Variants in NTF3 observed in about 807,000 individuals in gnomAD.
The protein encoded by NTF3 is neurotrophin-3.
NTF3 carries 8 observed loss-of-function variants against 26.3 expected under a neutral mutation model. The observed-to-expected ratio is 0.30, with a 90% CI of 0.18 to 0.55. The LOEUF (loss-of-function observed/expected upper bound fraction) is 0.55, where lower values mean the gene tolerates loss of function less well. Ranked by LOEUF, NTF3 falls within the 20% of genes least tolerant of loss-of-function variation. The pLI is 0.93. For missense variants in NTF3, 276 were observed against 352.9 expected, an observed-to-expected ratio of 0.78 and a Z score of 1.75; for synonymous variants, 154 against 145.5, an observed-to-expected ratio of 1.06 and a Z score of -0.42.
intron 1 of NTF3, among the ~76,000 whole-genome samples, chr12:5,478,371 G>T (rs1187363654): frequency 6.6e-6 from 1 of 152,216 alleles, no homozygotes; most frequent in Admixed American, 6.5e-5. Flanking sequence ...TCACCAGGAG[G>T]AATTAAAATG....
At chr12:5,465,656 G>A (rs552463079) in intron 1 of NTF3, among the ~76,000 whole-genome samples, 5 of 152,192 alleles carry the variant, frequency 3.3e-5, no homozygotes, top group African/African-American at 9.7e-5. Context: ...CATGTGGCTC[G>A]CACTCAGACT....
intron 1 of NTF3, 193 bp downstream of exon 1, chr12:5,432,535 G>A (rs2121126576): frequency 6.2e-6 from 1 of 161,738 alleles, no homozygotes; most frequent in Admixed American, 6.8e-5. Context: ...TCAGGCCGAA[G>A]CGCAACCGCA....
intron 1 of NTF3, among the ~76,000 whole-genome samples, chr12:5,479,956 A>G (rs1306739370): frequency 6.6e-6 from 1 of 152,132 alleles, no homozygotes. Context: ...GGAGGCCTCT[A>G]TTTGATCCCT....
chr12:5,437,889 G>A (rs574881991), intron 1 of NTF3, among the ~76,000 whole-genome samples: 3 of 152,216 alleles, frequency 2.0e-5, no homozygotes, highest in Non-Finnish European at 2.9e-5. Context: ...GCGTGCGTGC[G>A]TGCTGGGGGA....
At position 5,446,330 on chromosome 12, in the gene NTF3, A is replaced by G. The variant is rs116736052; in HGVS notation, c.18+13988A>G. ...ATCTTGGAATGATCAGACTTCCTAC[A>G]CTGGTTCTCCCCAGTAATTTGCATA... On this transcript the variant is annotated intron_variant, in intron 1 of 1. Transcript: ENST00000423158. 5.2e-3 allele frequency among the ~76,000 whole-genome samples: 785 copies of G among 152,244 alleles called. 3 individuals carry two copies. Among genetic ancestry groups the G allele is most frequent in the African/African-American group, 0.017 (691 of 41,538 alleles).
intron 1 of NTF3, among the ~76,000 whole-genome samples, chr12:5,488,448 G>T (rs1940895510): frequency 6.6e-6 from 1 of 152,074 alleles, no homozygotes; most frequent in Non-Finnish European, 1.5e-5. Context: ...CCCAGCGGAG[G>T]CTCCACCAGG....
chr12:5,460,053 A>C (rs142757237), intron 1 of NTF3, among the ~76,000 whole-genome samples: 1,648 of 152,210 alleles, frequency 0.011, 12 homozygotes, highest in Middle Eastern at 0.037. Flanking sequence ...GAACAGTTTT[A>C]AGTTCACAGA....
At chr12:5,475,656 A>G (rs1347718019) in intron 1 of NTF3, among the ~76,000 whole-genome samples, 2 of 151,922 alleles carry the variant, frequency 1.3e-5, no homozygotes, top group African/African-American at 4.8e-5. Context: ...GCAACATGGC[A>G]AAACCCCATC....
chr12:5,489,376 G>T (rs1358686915), intron 1 of NTF3, among the ~76,000 whole-genome samples: 3 of 152,204 alleles, frequency 2.0e-5, no homozygotes, highest in Admixed American at 2.0e-4. Context: ...ATGTTTGAGA[G>T]CAAGGACAGA....
At chr12:5,474,388 G>T (rs1026964420) in intron 1 of NTF3, among the ~76,000 whole-genome samples, 1 of 152,218 alleles carries the variant, frequency 6.6e-6, no homozygotes, top group Non-Finnish European at 1.5e-5. Flanking sequence ...TAGTTAGCCA[G>T]GGAAGGAAAG....
At chr12:5,449,074 G>T (rs1449696722) in intron 1 of NTF3, among the ~76,000 whole-genome samples, 1 of 152,172 alleles carries the variant, frequency 6.6e-6, no homozygotes. Flanking sequence ...AATGACTAGG[G>T]CCATGGAATG....
rs1940813697 is a variant in NTF3, at chr12:5,482,103, TAGAG to T, written c.19-12089_19-12086del. Among the ~76,000 whole-genome samples the T allele has an allele frequency of 2.6e-5, 4 of 151,770 alleles. No homozygotes were observed. The South Asian group carries it at 8.3e-4, about 32-fold the overall frequency. On this transcript the variant is annotated intron_variant, in intron 1 of 1. Transcript: ENST00000423158. ...CAGTCATACACAGGCACTACATACATAGAGACATACAATGCACACTCACACACAG... is the reference window on the plus strand; with the variant it reads ...CAGTCATACACAGGCACTACATACATACATACAATGCACACTCACACACAG...
At chr12:5,473,942 C>T (rs1305948945) in intron 1 of NTF3, among the ~76,000 whole-genome samples, 2 of 152,254 alleles carry the variant, frequency 1.3e-5, no homozygotes, top group Non-Finnish European at 2.9e-5. Context: ...CTCACATGCG[C>T]ATCTTCAGTC....
rs1940126660 is a variant in NTF3, at chr12:5,433,450, A to AG, written c.18+1112dup. 6.7e-6 allele frequency: 1 copy of AG among 149,660 alleles called. No individual in the cohort carries two copies. 9.3% of individuals were successfully genotyped at this position (149,660 alleles called of 1,614,324 possible). A position where few individuals can be genotyped will look rare whatever the true frequency, so the allele number is the denominator to read the frequency against. On this transcript the variant is annotated intron_variant, in intron 1 of 1. Transcript: ENST00000423158. This position sits in a 1 kb window ranked among gnomAD's most constrained non-coding sequence, Gnocchi z 4.6. ...TTGGGAGTTGAAGGTTAGGGACAGG[A>AG]GGGGCGAGGGCCGAGGGCATGGGAT...
chr12:5,449,997 G>A (rs921986711), intron 1 of NTF3, among the ~76,000 whole-genome samples: 1 of 152,102 alleles, frequency 6.6e-6, no homozygotes, highest in African/African-American at 2.4e-5. Context: ...CCTTCCCCTG[G>A]AGAATCACTG....
chr12:5,474,458 A>T (rs567456315), intron 1 of NTF3, among the ~76,000 whole-genome samples: 1 of 152,156 alleles, frequency 6.6e-6, no homozygotes, highest in Non-Finnish European at 1.5e-5. Flanking sequence ...AGGTGAGAGT[A>T]TACATGGTGT....
At chr12:5,477,607 G>T (rs1288522488) in intron 1 of NTF3, among the ~76,000 whole-genome samples, 1 of 152,122 alleles carries the variant, frequency 6.6e-6, no homozygotes, top group Non-Finnish European at 1.5e-5. Flanking sequence ...GTGATTGCAG[G>T]GTTCTTAGCA....
intron 1 of NTF3, among the ~76,000 whole-genome samples, chr12:5,468,772 C>G (rs544983729): frequency 6.6e-5 from 10 of 152,252 alleles, no homozygotes; most frequent in African/African-American, 2.4e-4. Flanking sequence ...GATCTCCCCC[C>G]ACCAAGTGGG....
At chr12:5,459,339 G>C (rs1940495724) in intron 1 of NTF3, among the ~76,000 whole-genome samples, 1 of 152,132 alleles carries the variant, frequency 6.6e-6, no homozygotes, top group Non-Finnish European at 1.5e-5. Context: ...AGTGAAAAGA[G>C]GGCTTGGGAA....
Sources: gnomAD v4.1 joint callset for allele counts (sites outside exome capture counted in the v4.1 genomes callset) on GRCh38, gnomAD v4.1.1 for gene constraint, Gnocchi (gnomAD v3.1) non-coding constraint, MANE v1.5 for transcripts, NCBI Gene and HGNC (gene_info 2026-07-23, HGNC 2026-07-21) for gene names.